The following LHFPL2 variants were observed in gnomAD, a reference collection of about 807,000 sequenced individuals.
LHFPL2 encodes the protein LHFPL tetraspan subfamily member 2.
In LHFPL2, 7 loss-of-function variants were observed where a neutral mutation model predicts 17.5. The observed-to-expected ratio is 0.40, with a 90% CI of 0.23 to 0.75. The LOEUF (loss-of-function observed/expected upper bound fraction) is 0.75, where lower values mean the gene tolerates loss of function less well. LHFPL2 is among the 30% of genes least tolerant of loss of function. The pLI is 0.37. For missense variants in LHFPL2, 241 were observed against 294.8 expected, an observed-to-expected ratio of 0.82 and a Z score of 1.34; for synonymous variants, 134 against 116.2, an observed-to-expected ratio of 1.15 and a Z score of -0.99.
At chr5:78,536,158 G>T (rs946362744) in intron 3 of LHFPL2, among the ~76,000 whole-genome samples, 1 of 152,174 alleles carries the variant, frequency 6.6e-6, no homozygotes, top group Non-Finnish European at 1.5e-5. Context: ...CATGGAGAGT[G>T]GGGGGATCAG....
intron 2 of LHFPL2, among the ~76,000 whole-genome samples, chr5:78,617,436 G>A (rs570599738): frequency 6.6e-6 from 1 of 152,168 alleles, no homozygotes; most frequent in African/African-American, 2.4e-5. Flanking sequence ...ACTCTCACCA[G>A]CTCAGCCTAA....
At chr5:78,539,354 G>A (rs143040336) in intron 3 of LHFPL2, among the ~76,000 whole-genome samples, 2 of 152,238 alleles carry the variant, frequency 1.3e-5, no homozygotes, top group African/African-American at 4.8e-5. Context: ...TTTTATAGCA[G>A]GAACTAAGTG....
At chr5:78,543,693 C>G (rs1756182380) in intron 3 of LHFPL2, among the ~76,000 whole-genome samples, 1 of 152,100 alleles carries the variant, frequency 6.6e-6, no homozygotes. Context: ...TACAGGGGAC[C>G]AAGGTGAGGC....
chr5:78,622,134 G>A (rs1024051002), intron 2 of LHFPL2, among the ~76,000 whole-genome samples: 4 of 152,286 alleles, frequency 2.6e-5, no homozygotes, highest in African/African-American at 7.2e-5. Context: ...CTATGGAGAA[G>A]AGCAAACATG....
At chr5:78,539,034 C>A (rs1390243368) in intron 3 of LHFPL2, among the ~76,000 whole-genome samples, 1 of 152,170 alleles carries the variant, frequency 6.6e-6, no homozygotes, top group Non-Finnish European at 1.5e-5. Flanking sequence ...TGATTCCCAC[C>A]AAAATTCATG....
At chr5:78,614,056 G>A (rs1410078579) in intron 2 of LHFPL2, among the ~76,000 whole-genome samples, 2 of 152,152 alleles carry the variant, frequency 1.3e-5, no homozygotes, top group African/African-American at 4.8e-5. Context: ...TGATGAACAG[G>A]CCCCTAGAAA....
At chr5:78,626,846 C>T (rs193175904) in intron 2 of LHFPL2, among the ~76,000 whole-genome samples, 147 of 151,946 alleles carry the variant, frequency 9.7e-4, no homozygotes, top group African/African-American at 3.5e-3. Flanking sequence ...TTTGGGAGGC[C>T]GAGACAGAAA....
chr5:78,489,261 T>C, intron 4 of LHFPL2, 108 bp from the exon 5 acceptor site: 2 of 1,241,524 alleles, frequency 1.6e-6, no homozygotes, highest in Non-Finnish European at 2.3e-6. Flanking sequence ...GGGCATCTAT[T>C]CTGCAATAGA....
chr5:78,579,305 C>T (rs995941926), intron 2 of LHFPL2, among the ~76,000 whole-genome samples: 2 of 150,984 alleles, frequency 1.3e-5, no homozygotes, highest in Non-Finnish European at 2.9e-5. Flanking sequence ...TCTTAGTGCT[C>T]GCAAGGTTTT....
chr5:78,527,112 G>A (rs1007791954), intron 3 of LHFPL2, among the ~76,000 whole-genome samples: 1 of 152,172 alleles, frequency 6.6e-6, no homozygotes, highest in Admixed American at 6.5e-5. Context: ...CTGCTTGAAG[G>A]AGAACTCCAG....
chr5:78,525,219 G>A (rs367561877), intron 3 of LHFPL2, among the ~76,000 whole-genome samples: 1 of 152,216 alleles, frequency 6.6e-6, no homozygotes, highest in African/African-American at 2.4e-5. Flanking sequence ...ACTGAGATGA[G>A]CGTCAAATGC....
At chr5:78,634,445 CTG>C (rs1301020884) in intron 1 of LHFPL2, among the ~76,000 whole-genome samples, 1 of 152,220 alleles carries the variant, frequency 6.6e-6, no homozygotes, top group Non-Finnish European at 1.5e-5. Flanking sequence ...GGGCAGCACA[CTG>C]TGTTTGCATG....
intron 3 of LHFPL2, among the ~76,000 whole-genome samples, chr5:78,517,125 T>C (rs1273697204): frequency 6.6e-6 from 1 of 152,170 alleles, no homozygotes; most frequent in Non-Finnish European, 1.5e-5. Flanking sequence ...CCTATAAGAT[T>C]TTCAGGCATT....
intron 3 of LHFPL2, among the ~76,000 whole-genome samples, chr5:78,531,431 A>G (rs1355426551): frequency 6.6e-6 from 1 of 152,160 alleles, no homozygotes; most frequent in Non-Finnish European, 1.5e-5. Flanking sequence ...AAAAAAAAAA[A>G]AAAAAAAATT....
intron 1 of LHFPL2, among the ~76,000 whole-genome samples, chr5:78,633,568 T>A (rs552898228): frequency 6.6e-6 from 1 of 152,214 alleles, no homozygotes; most frequent in South Asian, 2.1e-4. Flanking sequence ...GGGGACAGAG[T>A]ACAGAGATGG....
intron 2 of LHFPL2, among the ~76,000 whole-genome samples, chr5:78,590,963 C>CAA (rs1462699902): frequency 6.6e-6 from 1 of 152,146 alleles, no homozygotes; most frequent in African/African-American, 2.4e-5. Context: ...CTGAGAAAAT[C>CAA]AAACTGTTTA....
chr5:78,552,783 A>G (rs1756481725), intron 3 of LHFPL2, among the ~76,000 whole-genome samples: 1 of 152,244 alleles, frequency 6.6e-6, no homozygotes, highest in Admixed American at 6.5e-5. Context: ...ATGGCAAATA[A>G]ACAATAAATA....
At chr5:78,495,655 A>G (rs896803771) in intron 4 of LHFPL2, among the ~76,000 whole-genome samples, 14 of 152,172 alleles carry the variant, frequency 9.2e-5, no homozygotes, top group African/African-American at 3.4e-4. Flanking sequence ...CACCTTTACT[A>G]AGTCGAAATC....
intron 3 of LHFPL2, among the ~76,000 whole-genome samples, chr5:78,564,103 C>A (rs1756799207): frequency 6.6e-6 from 1 of 152,086 alleles, no homozygotes; most frequent in Non-Finnish European, 1.5e-5. Context: ...CTTGAGCTGG[C>A]TTCTTTGGGC....
Sources: gnomAD v4.1 joint callset for allele counts (sites outside exome capture counted in the v4.1 genomes callset) on GRCh38, gnomAD v4.1.1 for gene constraint, MANE v1.5 for transcripts, NCBI Gene and HGNC (gene_info 2026-07-23, HGNC 2026-07-21) for gene names.